BRDT: variants seen among roughly 807,000 people sequenced by gnomAD.
The protein encoded by BRDT is bromodomain testis associated.
In BRDT, 77 loss-of-function variants were observed where a neutral mutation model predicts 113.9. The observed-to-expected ratio is 0.68, with a 90% CI of 0.56 to 0.82. The LOEUF (loss-of-function observed/expected upper bound fraction) is 0.82, where lower values mean the gene tolerates loss of function less well. BRDT is among the 40% of genes least tolerant of loss of function. The probability of loss-of-function intolerance (pLI) is 0.00; values close to 1 mark genes in which losing one functional copy is unlikely to be tolerated. For missense variants in BRDT, 1,027 were observed against 1,105.4 expected (o/e 0.93, Z 1.01); for synonymous variants, 358 against 366.5 (o/e 0.98, Z 0.26).
chr1:91,969,548 A>G (rs904310786), intron 4 of BRDT, among the ~76,000 whole-genome samples: 4 of 152,146 alleles, frequency 2.6e-5, no homozygotes, highest in Admixed American at 6.6e-5. Flanking sequence ...GAAGATTTAA[A>G]TAAGCCCTTG....
intron 14 of BRDT, among the ~76,000 whole-genome samples, chr1:91,993,093 T>C (rs1390136331): frequency 1.3e-5 from 2 of 152,220 alleles, no homozygotes; most frequent in African/African-American, 4.8e-5. Context: ...TGAATGTATA[T>C]ATTTGTGTAG....
At chr1:92,003,607 G>T (rs1687037062) in intron 16 of BRDT, among the ~76,000 whole-genome samples, 1 of 152,100 alleles carries the variant, frequency 6.6e-6, no homozygotes, top group South Asian at 2.1e-4. Context: ...GATGTGTTTG[G>T]AACAGTTTGA....
At chr1:91,965,203 T>G (rs1006258926) in intron 3 of BRDT, among the ~76,000 whole-genome samples, 1 of 152,036 alleles carries the variant, frequency 6.6e-6, no homozygotes, top group Non-Finnish European at 1.5e-5. Context: ...TGTGAGCCAC[T>G]GTGCCCGGCC....
chr1:91,959,832 C>T lies in BRDT; in HGVS notation c.-37-2886C>T, dbSNP rs114025591. Reference sequence around the variant, plus strand: ...TTCCATATATGTGTAACATGAAAATCGTGAAAGTAGAAGATTGATAACCAC... The same window carrying T: ...TTCCATATATGTGTAACATGAAAATTGTGAAAGTAGAAGATTGATAACCAC... On this transcript the variant is annotated intron_variant, in intron 1 of 18. Coordinates refer to ENST00000399546, the MANE Select transcript of BRDT (RefSeq NM_207189.4). Among the ~76,000 whole-genome samples, 299 of 152,184 alleles carry T rather than the reference C, an allele frequency of 2.0e-3. 5 individuals are homozygous for T. Among genetic ancestry groups the T allele is most frequent in the African/African-American group, 6.5e-3 (271 of 41,524 alleles).
chr1:91,982,186 G>C (rs1286296247), intron 12 of BRDT, among the ~76,000 whole-genome samples: 1 of 152,130 alleles, frequency 6.6e-6, no homozygotes, highest in Non-Finnish European at 1.5e-5. Context: ...GTTCTGAATT[G>C]AATAATCCTT....
Position 91,981,659 on chromosome 1 carries a change from C to T in BRDT, c.1906C>T (p.Arg636Ter), listed in dbSNP as rs1394557299. 2 of 1,614,114 alleles carry T rather than the reference C, an allele frequency of 1.2e-6. No individual in the cohort carries two copies. The highest frequency in any genetic ancestry group is 2.2e-5 in the South Asian group (2 of 91,074). Residue 636 changes from arginine to a stop codon, truncating the protein, a stop_gained, in exon 12 of 19, where the codon CGA becomes TGA. Coordinates refer to ENST00000399546, the MANE Select transcript of BRDT (RefSeq NM_207189.4). LOFTEE classifies it high-confidence loss of function. ...QPSKAVENVSRLSESSSSSSS... is the reference protein window; with the variant it reads ...QPSKAVENVS ...ATCCAAAGCTGTTGAAAATGTTTCCCGACTGAGTGAGAGCAGCAGCAGCAG... is the reference window on the plus strand; with the variant it reads ...ATCCAAAGCTGTTGAAAATGTTTCCTGACTGAGTGAGAGCAGCAGCAGCAG...
At chr1:92,010,266 A>C (rs1370337615) in intron 18 of BRDT, among the ~76,000 whole-genome samples, 1 of 64,342 alleles carries the variant, frequency 1.6e-5, no homozygotes, top group Non-Finnish European at 3.5e-5. Flanking sequence ...ATGCTCTTTT[A>C]ATTTTTTTTT....
chr1:91,977,094 G>A lies in BRDT; in HGVS notation c.670G>A (p.Ala224Thr), dbSNP rs760472427. 6.8e-6 allele frequency: 11 copies of A among 1,612,876 alleles called. No homozygotes were observed. The highest frequency in any genetic ancestry group is 2.2e-5 in the East Asian group (1 of 44,856). Residue 224 changes from alanine to threonine, a missense_variant, in exon 6 of 19, where the codon GCA (alanine) becomes ACA (threonine). By Grantham distance (58) the Ala-to-Thr change is moderately conservative. Transcript: ENST00000399546. ...KADTTTPATS[A>T]VKASSEFSPT... ...AGATACAACAACTCCTGCAACTTCA[G>A]CAGTTAAAGCAAGTAGTGAATTTTC... is the stretch of plus-strand genomic sequence containing the variant.
intron 13 of BRDT, 86 bp from the exon 14 acceptor site, chr1:91,992,178 A>G: frequency 1.5e-6 from 1 of 685,850 alleles, no homozygotes; most frequent in Non-Finnish European, 2.3e-6. Context: ...ACTGTCTTAA[A>G]AGAGCTCTAA....
At chr1:91,980,569 G>T (rs1432283919) in intron 8 of BRDT, 74 bp from the exon 9 acceptor site, 3 of 1,267,042 alleles carry the variant, frequency 2.4e-6, no homozygotes, top group African/African-American at 3.1e-5. Context: ...TGACTTTGGA[G>T]TGGCTTGATT....
At chr1:91,981,805 C>T (rs762875596) in intron 12 of BRDT, 50 bp downstream of exon 12, 2 of 1,503,856 alleles carry the variant, frequency 1.3e-6, no homozygotes, top group Admixed American at 2.4e-5. Flanking sequence ...ACTTTTTTTC[C>T]TGTAATATTG....
intron 2 of BRDT, among the ~76,000 whole-genome samples, chr1:91,964,155 G>A (rs1682809633): frequency 6.6e-6 from 1 of 152,178 alleles, no homozygotes; most frequent in Non-Finnish European, 1.5e-5. Flanking sequence ...CTGCCTCCCA[G>A]GTTTGAGTGA....
intron 9 of BRDT, 29 bp downstream of exon 9, chr1:91,980,844 T>C (rs1368647856): frequency 2.5e-6 from 4 of 1,590,756 alleles, no homozygotes; most frequent in Admixed American, 3.7e-5. Flanking sequence ...GATAGCTTAT[T>C]AAGACAATAA....
At chr1:91,954,314 CTG>C (rs1406094470) in intron 1 of BRDT, among the ~76,000 whole-genome samples, 2 of 127,618 alleles carry the variant, frequency 1.6e-5, no homozygotes, top group East Asian at 2.4e-4. Flanking sequence ...AGTTCTCACT[CTG>C]TCACCTAGGC....
At chr1:91,951,561 C>T (rs1247904143) in intron 1 of BRDT, among the ~76,000 whole-genome samples, 2 of 151,322 alleles carry the variant, frequency 1.3e-5, no homozygotes, top group African/African-American at 2.4e-5. Context: ...CTTTGGGAGT[C>T]AGGAGTTGAA....
intron 12 of BRDT, among the ~76,000 whole-genome samples, chr1:91,987,492 C>T (rs1213096434): frequency 1.3e-5 from 2 of 151,788 alleles, no homozygotes; most frequent in Admixed American, 1.3e-4. Flanking sequence ...CACCACCATC[C>T]CCGGCTAATT....
Position 91,957,492 on chromosome 1 carries a change from C to CA in BRDT, c.-37-5213dup, listed in dbSNP as rs34516666. On this transcript the variant is annotated intron_variant, in intron 1 of 18. Coordinates refer to ENST00000399546, the MANE Select transcript of BRDT (RefSeq NM_207189.4). Reference sequence around the variant, plus strand: ...TGGGCGACAGAGCGAGACTCCATCTCAAAAAAAAAAAAATTTTATGTTTTT... The same window carrying CA: ...TGGGCGACAGAGCGAGACTCCATCTCAAAAAAAAAAAAAATTTTATGTTTTT... 38 of 148,488 alleles carry CA rather than the reference C, an allele frequency of 2.6e-4. 1 individual carries two copies. The highest frequency in any genetic ancestry group is 4.7e-4 in the Admixed American group (7 of 14,886). 9.2% of individuals were successfully genotyped at this position (148,488 alleles called of 1,614,324 possible). A position where few individuals can be genotyped will look rare whatever the true frequency, so the allele number is the denominator to read the frequency against.
chr1:91,958,295 A>C (rs1682026611), intron 1 of BRDT, among the ~76,000 whole-genome samples: 1 of 145,682 alleles, frequency 6.9e-6, no homozygotes, highest in South Asian at 2.2e-4. Context: ...AGTTCACTGC[A>C]ACCTTTGTCT....
At chr1:91,969,571 T>C (rs2101613537) in intron 4 of BRDT, among the ~76,000 whole-genome samples, 2 of 152,252 alleles carry the variant, frequency 1.3e-5, no homozygotes, top group East Asian at 3.9e-4. Context: ...AGGTAGATAA[T>C]ACATAGATTA....
Sources: gnomAD v4.1 joint callset for allele counts (sites outside exome capture counted in the v4.1 genomes callset) on GRCh38, gnomAD v4.1.1 for gene constraint, MANE v1.5 for transcripts, NCBI Gene and HGNC (gene_info 2026-07-23, HGNC 2026-07-21) for gene names.